Variants in KIAA0319L observed in about 807,000 individuals in gnomAD.
KIAA0319L encodes the protein KIAA0319 like, also known as dyslexia-associated protein KIAA0319-like protein.
KIAA0319L carries 55 observed loss-of-function variants against 120.1 expected under a neutral mutation model. That is an observed-to-expected ratio of 0.46 (90% CI 0.37 to 0.57). KIAA0319L has a LOEUF of 0.57. Among genes scored for constraint, KIAA0319L ranks in the 20% least tolerant of loss-of-function variants. The pLI is 0.00. For synonymous variants in KIAA0319L, 398 were observed against 471.9 expected (o/e 0.84, Z 2.03); for missense variants, 1,049 against 1,255.3 (o/e 0.84, Z 2.48).
At chr1:35,439,289 C>T (rs983161833) in intron 20 of KIAA0319L, 6 of 152,228 alleles carry the variant, frequency 3.9e-5, no homozygotes, top group African/African-American at 9.6e-5. Flanking sequence ...GGCTAGCTCC[C>T]ACTTATCCAG....
chr1:35,510,741 G>A (rs1263315563), intron 2 of KIAA0319L, among the ~76,000 whole-genome samples: 3 of 151,834 alleles, frequency 2.0e-5, no homozygotes, highest in African/African-American at 7.3e-5. Context: ...CAAGATGCTA[G>A]GACTACAGGT....
intron 2 of KIAA0319L, among the ~76,000 whole-genome samples, chr1:35,528,907 C>G (rs1304041810): frequency 6.6e-6 from 1 of 152,174 alleles, no homozygotes; most frequent in South Asian, 2.1e-4. Context: ...TTACCTGATA[C>G]AAGTAAAGCT....
rs748886892 is a variant in KIAA0319L, at chr1:35,507,110, C to T, written c.168G>A (p.Gln56=). ...GGCCAACTCCAAATTGTGTCTTCCC[C>T]TGCTGGCACCTGCTCTCACTGGCAT... ...STDASESRCQ[Q]GKTQFGVGLR... Residue 56 remains glutamine (Q), a synonymous_variant, in exon 3 of 21, where the codon CAG becomes CAA. Transcript: ENST00000325722. 2.0e-6 allele frequency: 3 copies of T among 1,531,010 alleles called. No homozygotes were observed. The South Asian group carries it at 3.9e-5, about 20-fold the overall frequency. The allele number at this position is 1,531,010 out of a possible 1,614,324, so 94.8% of individuals were successfully genotyped here. A position where few individuals can be genotyped will look rare whatever the true frequency, so the allele number is the denominator to read the frequency against.
chr1:35,456,047 C>A lies in KIAA0319L; in HGVS notation c.1622G>T (p.Ser541Ile). The change falls in exon 10 of 21, where the codon AGC (serine) becomes ATC (isoleucine). Residue 541 changes from serine to isoleucine, a missense_variant. Coordinates refer to ENST00000325722, the MANE Select transcript of KIAA0319L (RefSeq NM_024874.5). ...CACCACTTTCCCTTTGCTGCTTGGGCTGAGTGACCACTCATAGCTGGTGAT... is the reference window on the plus strand; with the variant it reads ...CACCACTTTCCCTTTGCTGCTTGGGATGAGTGACCACTCATAGCTGGTGAT... Reference protein sequence around the residue: ...HGITSYEWSLSPSSKGKVVEM... With the variant: ...HGITSYEWSLIPSSKGKVVEM... 1 of 1,613,842 alleles carries A rather than the reference C, an allele frequency of 6.2e-7. No individual in the cohort carries two copies. Among genetic ancestry groups the A allele is most frequent in the African/African-American group, 1.3e-5 (1 of 75,024 alleles).
rs1384630610 is a variant in KIAA0319L at position 35,526,771 on chromosome 1, T to C, written c.143-19636A>G. On this transcript the variant is annotated intron_variant, in intron 2 of 20. Coordinates refer to ENST00000325722, the MANE Select transcript of KIAA0319L (RefSeq NM_024874.5). ...GGTTATTGGAGTCTTTGTGGTTCCA[T>C]AAAAATTTTAGAGGTGGGGTACAGT... Among the ~76,000 whole-genome samples the C allele has an allele frequency of 2.0e-5, 3 of 152,190 alleles. No homozygotes were observed. In the East Asian group the frequency reaches 5.8e-4, roughly 29 times the overall value.
chr1:35,487,784 A>C (rs1341914162), intron 3 of KIAA0319L, among the ~76,000 whole-genome samples: 1 of 152,224 alleles, frequency 6.6e-6, no homozygotes, highest in Non-Finnish European at 1.5e-5. Flanking sequence ...AAACTTACGA[A>C]GTTCACCTTG....
At chr1:35,517,825 GA>G (rs1645746016) in intron 2 of KIAA0319L, among the ~76,000 whole-genome samples, 1 of 152,166 alleles carries the variant, frequency 6.6e-6, no homozygotes. Flanking sequence ...CTATGCATCT[GA>G]CAAAAGTCTA....
At chr1:35,484,767 CATATATATATAT>C (rs56318513) in intron 3 of KIAA0319L, among the ~76,000 whole-genome samples, 589 of 51,510 alleles carry the variant, frequency 0.011, 12 homozygotes, top group African/African-American at 0.031. Flanking sequence ...AGTTTTTAAT[CATATATATATAT>C]ATATATATAT....
Position 35,434,539 on chromosome 1 carries a change from C to T in KIAA0319L, c.*355G>A, listed in dbSNP as rs1216789259. 1 of 226,990 alleles carries T rather than the reference C, an allele frequency of 4.4e-6. No individual in the cohort carries two copies. The highest frequency in any genetic ancestry group is 2.3e-5 in the African/African-American group (1 of 43,380). 14.1% of individuals were successfully genotyped at this position (226,990 alleles called of 1,614,324 possible). On this transcript the variant is annotated 3_prime_UTR_variant, in exon 21 of 21. Coordinates refer to ENST00000325722, the MANE Select transcript of KIAA0319L (RefSeq NM_024874.5). Reference sequence around the variant, plus strand: ...TCAGGTGTGCGGGCAGCACAGCAGGCCTCACCTTGCAGCACTCTGGGCACA... The same window carrying T: ...TCAGGTGTGCGGGCAGCACAGCAGGTCTCACCTTGCAGCACTCTGGGCACA...
At chr1:35,436,297 G>C (rs931033997) in intron 20 of KIAA0319L, among the ~76,000 whole-genome samples, 1 of 152,238 alleles carries the variant, frequency 6.6e-6, no homozygotes, top group Non-Finnish European at 1.5e-5. Context: ...CCTTGTCCAT[G>C]TACAGCTGTG....
At chr1:35,492,532 T>TAAG in intron 3 of KIAA0319L, among the ~76,000 whole-genome samples, 1 of 149,916 alleles carries the variant, frequency 6.7e-6, no homozygotes, top group East Asian at 2.0e-4. Context: ...ATAAATTAAT[T>TAAG]AATAATAATA....
intron 3 of KIAA0319L, among the ~76,000 whole-genome samples, chr1:35,491,355 C>T (rs1370412598): frequency 6.6e-6 from 1 of 152,068 alleles, no homozygotes; most frequent in Non-Finnish European, 1.5e-5. Flanking sequence ...GATTAAAGTT[C>T]AACAAGCCCC....
At chr1:35,452,715 A>G (rs1389328443) in intron 12 of KIAA0319L, among the ~76,000 whole-genome samples, 1 of 152,258 alleles carries the variant, frequency 6.6e-6, no homozygotes, top group Non-Finnish European at 1.5e-5. Flanking sequence ...ACAAAAGATA[A>G]AAACAAGAGC....
intron 6 of KIAA0319L, among the ~76,000 whole-genome samples, chr1:35,467,692 C>CT (rs879572577): frequency 1.7e-3 from 240 of 144,716 alleles, no homozygotes; most frequent in East Asian, 6.9e-3. Context: ...ATCATACAAT[C>CT]TTTTTTTTTT....
chr1:35,527,665 T>C (rs1230954641), intron 2 of KIAA0319L, among the ~76,000 whole-genome samples: 2 of 152,168 alleles, frequency 1.3e-5, no homozygotes, highest in Non-Finnish European at 2.9e-5. Context: ...CAATTTCCTC[T>C]AGGTTTTCCT....
At chr1:35,459,590 C>T (rs1216140669) in intron 9 of KIAA0319L, among the ~76,000 whole-genome samples, 2 of 149,338 alleles carry the variant, frequency 1.3e-5, no homozygotes, top group East Asian at 3.9e-4. Context: ...GAGCAAGACT[C>T]TGTCTCAAAA....
intron 2 of KIAA0319L, among the ~76,000 whole-genome samples, chr1:35,539,516 C>G (rs972983237): frequency 2.6e-5 from 4 of 152,162 alleles, no homozygotes; most frequent in African/African-American, 9.7e-5. Flanking sequence ...TTTTGAAAAC[C>G]AAGCAGTTAG....
chr1:35,557,279 G>A lies in KIAA0319L; in HGVS notation c.-101C>T. On this transcript the variant is annotated 5_prime_UTR_variant, in exon 1 of 21. Transcript: ENST00000325722. ...CCTCCTCCTGGTCCATGGGCTCGGG[G>A]ACCCCCAACCTTCGCTCCCCTCACC... is the stretch of plus-strand genomic sequence containing the variant. The A allele has an allele frequency of 4.6e-6, 1 of 217,238 alleles. No homozygotes were observed. The highest frequency in any genetic ancestry group is 9.5e-6 in the Non-Finnish European group (1 of 105,078). The allele number at this position is 217,238 out of a possible 1,614,324, so 13.5% of individuals were successfully genotyped here.
intron 5 of KIAA0319L, among the ~76,000 whole-genome samples, chr1:35,474,173 C>T (rs879311039): frequency 4.6e-5 from 7 of 152,034 alleles, no homozygotes; most frequent in Non-Finnish European, 1.0e-4. Context: ...CCCGGGTATG[C>T]ACAAATATTT....
Sources: gnomAD v4.1 joint callset for allele counts (sites outside exome capture counted in the v4.1 genomes callset) on GRCh38, gnomAD v4.1.1 for gene constraint, MANE v1.5 for transcripts, NCBI Gene and HGNC (gene_info 2026-07-23, HGNC 2026-07-21) for gene names.